The following AKR1C4 variants were observed in gnomAD, a reference collection of about 807,000 sequenced individuals.
The protein encoded by AKR1C4 is 3-alpha-HSD1.
AKR1C4 carries 44 observed loss-of-function variants against 41.0 expected under a neutral mutation model. The observed-to-expected ratio is 1.07, with a 90% CI of 0.84 to 1.38. The LOEUF (loss-of-function observed/expected upper bound fraction) is 1.38. Ranked by LOEUF, AKR1C4 falls within the 40% of genes most tolerant of loss-of-function variation. The pLI is 0.00. For synonymous variants in AKR1C4, 165 were observed against 137.7 expected, an observed-to-expected ratio of 1.20 and a Z score of -1.39; for missense variants, 438 against 387.9, an observed-to-expected ratio of 1.13 and a Z score of -1.09.
chr10:5,197,644 TGG>T (rs1165254025), intron 1 of AKR1C4, among the ~76,000 whole-genome samples: 2 of 152,186 alleles, frequency 1.3e-5, no homozygotes, highest in Non-Finnish European at 2.9e-5. Context: ...GTGGGCAAAA[TGG>T]AGACATTTTT....
At chr10:5,212,543 A>G in intron 5 of AKR1C4, 73 bp from the exon 6 acceptor site, 3 of 1,303,476 alleles carry the variant, frequency 2.3e-6, no homozygotes, top group Non-Finnish European at 3.2e-6. Context: ...TACTTTATTC[A>G]GCTTATTTTA....
intron 2 of AKR1C4, among the ~76,000 whole-genome samples, chr10:5,202,938 T>C (rs1832422567): frequency 1.3e-5 from 1 of 77,850 alleles, no homozygotes; most frequent in African/African-American, 4.2e-5. Context: ...ATAGTTTTCT[T>C]TTGTGTGTGT....
At chr10:5,211,952 T>C (rs1023446683) in intron 5 of AKR1C4, among the ~76,000 whole-genome samples, 1 of 152,142 alleles carries the variant, frequency 6.6e-6, no homozygotes, top group Admixed American at 6.5e-5. Flanking sequence ...CTTGAGAGAC[T>C]TATTCACTAT....
At chr10:5,217,093 C>T (rs1401341809) in intron 8 of AKR1C4, among the ~76,000 whole-genome samples, 8 of 152,366 alleles carry the variant, frequency 5.3e-5, no homozygotes, top group East Asian at 1.9e-4. Flanking sequence ...GCATTTCTGC[C>T]GTGGCCTAGT....
chr10:5,217,741 C>A (rs1427378515), intron 8 of AKR1C4, among the ~76,000 whole-genome samples: 1 of 152,154 alleles, frequency 6.6e-6, no homozygotes, highest in African/African-American at 2.4e-5. Flanking sequence ...GCCTGGGCAA[C>A]AGAGCAAGAC....
At chr10:5,204,162 C>A (rs77697233) in intron 2 of AKR1C4, among the ~76,000 whole-genome samples, 1 of 152,058 alleles carries the variant, frequency 6.6e-6, no homozygotes, top group Non-Finnish European at 1.5e-5. Context: ...TTTTTACCTA[C>A]TGAAAATTTT....
chr10:5,203,004 T>C (rs1832425779), intron 2 of AKR1C4, among the ~76,000 whole-genome samples: 1 of 150,902 alleles, frequency 6.6e-6, no homozygotes, highest in South Asian at 2.1e-4. Context: ...CTGGTATTGG[T>C]ATTTGGTGAT....
At chr10:5,210,953 C>T (rs139202051) in intron 5 of AKR1C4, among the ~76,000 whole-genome samples, 31 of 152,364 alleles carry the variant, frequency 2.0e-4, no homozygotes, top group African/African-American at 6.7e-4. Context: ...AGGCTCACTA[C>T]CACATAGAAG....
At chr10:5,203,649 T>C (rs1380802488) in intron 2 of AKR1C4, among the ~76,000 whole-genome samples, 1 of 152,202 alleles carries the variant, frequency 6.6e-6, no homozygotes, top group Admixed American at 6.5e-5. Flanking sequence ...AATTTTCACT[T>C]TTCCTATTAA....
At chr10:5,199,010 G>T (rs1319925178) in intron 1 of AKR1C4, among the ~76,000 whole-genome samples, 1 of 152,124 alleles carries the variant, frequency 6.6e-6, no homozygotes, top group African/African-American at 2.4e-5. Context: ...GACAGAGTGA[G>T]ACTCTGTCTC....
intron 5 of AKR1C4, among the ~76,000 whole-genome samples, chr10:5,208,067 A>G (rs984856841): frequency 1.5e-4 from 7 of 47,384 alleles, no homozygotes; most frequent in Non-Finnish European, 4.7e-4. Context: ...TTAAAGAGTG[A>G]AAAAAAGGAA....
chr10:5,214,871 T>C (rs76551580), intron 7 of AKR1C4, among the ~76,000 whole-genome samples: 17,162 of 152,192 alleles, frequency 0.11, 1,184 homozygotes, highest in Admixed American at 0.17. Context: ...CTTTTTGATA[T>C]TTAAATTCTT....
intron 7 of AKR1C4, 112 bp downstream of exon 7, chr10:5,213,271 T>C (rs189910169): frequency 9.9e-4 from 1,462 of 1,483,976 alleles, no homozygotes; most frequent in Non-Finnish European, 1.2e-3. Flanking sequence ...GCATTTCCTA[T>C]GCACAAATGC....
At chr10:5,208,101 T>TA (rs1832517922) in intron 5 of AKR1C4, among the ~76,000 whole-genome samples, 2 of 151,590 alleles carry the variant, frequency 1.3e-5, no homozygotes, top group South Asian at 4.1e-4. Flanking sequence ...TGGAGATAAC[T>TA]AGTTATGGTG....
chr10:5,200,363 A>G lies in AKR1C4; in HGVS notation c.252+15A>G. 1 of 1,607,746 alleles carries G rather than the reference A, an allele frequency of 6.2e-7. No homozygotes were observed. Among genetic ancestry groups the G allele is most frequent in the Non-Finnish European group, 8.5e-7 (1 of 1,176,764 alleles). On this transcript the variant is annotated intron_variant, in intron 2 of 8. Transcript: ENST00000263126. ...ACACTTCAAAGGTACTGTGCCTATG[A>G]TGAGCATGTATGCACATGTGTTTAA...
At chr10:5,208,263 T>A (rs1832519474) in intron 5 of AKR1C4, among the ~76,000 whole-genome samples, 1 of 151,660 alleles carries the variant, frequency 6.6e-6, no homozygotes, top group African/African-American at 2.4e-5. Context: ...CTTACTCTTT[T>A]ACTACTTAGA....
chr10:5,204,781 T>TA, intron 3 of AKR1C4: 1 of 458,564 alleles, frequency 2.2e-6, no homozygotes, highest in Admixed American at 3.1e-5. Context: ...GTCCATCTCT[T>TA]AGGATCTTCA....
At position 5,203,053 on chromosome 10, in the gene AKR1C4, T is replaced by C. The variant is rs150365319; in HGVS notation, c.253-1324T>C. Among the ~76,000 whole-genome samples the C allele has an allele frequency of 8.9e-3, 1,347 of 152,018 alleles. 9 individuals carry two copies. The highest frequency in any genetic ancestry group is 0.012 in the Non-Finnish European group (819 of 67,948). The stretch of plus-strand genomic sequence containing the variant: ...AATAATTTAGGCAGGATTCCCTCTT[T>C]CTCTGTATTTTTGAATAGTTTCAGT... On this transcript the variant is annotated intron_variant, in intron 2 of 8. Transcript: ENST00000263126.
rs1320599970 is a variant in AKR1C4, at chr10:5,213,281, C to T, written c.846+122C>T. On this transcript the variant is annotated intron_variant, in intron 7 of 8. Transcript: ENST00000263126. ...CCTGGGCATTTCCTATGCACAAATG[C>T]TTTGTGTGCATAAGTGTTTTCTACT... 4.9e-6 allele frequency: 7 copies of T among 1,436,970 alleles called. No homozygotes were observed. In the African/African-American group the frequency reaches 5.7e-5, roughly 12 times the overall value. The allele number at this position is 1,436,970 out of a possible 1,614,324, so 89.0% of individuals were successfully genotyped here.
Sources: gnomAD v4.1 joint callset for allele counts (sites outside exome capture counted in the v4.1 genomes callset) on GRCh38, gnomAD v4.1.1 for gene constraint, MANE v1.5 for transcripts, NCBI Gene and HGNC (gene_info 2026-07-23, HGNC 2026-07-21) for gene names.